MBTPS1: variants seen among roughly 807,000 people sequenced by gnomAD.
MBTPS1 encodes the protein membrane-bound transcription factor site-1 protease.
In MBTPS1, 94 loss-of-function variants were observed where a neutral mutation model predicts 127.8. The ratio of observed to expected loss-of-function variants is 0.74; its 90% CI spans 0.62 to 0.87. MBTPS1 has a LOEUF of 0.87. Among genes scored for constraint, MBTPS1 ranks in the 40% least tolerant of loss-of-function variants. MBTPS1 has a pLI of 0.00. For missense variants in MBTPS1, 1,636 were observed against 1,353.2 expected (o/e 1.21, Z -3.28); for synonymous variants, 632 against 509.4 (o/e 1.24, Z -3.24).
chr16:84,090,733 T>C, intron 8 of MBTPS1, 142 bp downstream of exon 8: 1 of 652,872 alleles, frequency 1.5e-6, no homozygotes, highest in Non-Finnish European at 2.7e-6. Context: ...ATAGTATTTT[T>C]TTACATGAGG....
In MBTPS1 at chr16:84,059,407, G is replaced by A; in HGVS notation, c.2726C>T (p.Ser909Phe). The change falls in exon 21 of 23, where the codon TCC becomes TTC. Residue 909 changes from serine (S) to phenylalanine (F), a missense_variant. Coordinates refer to ENST00000343411, the MANE Select transcript of MBTPS1 (RefSeq NM_003791.4). ...RMEGNHLHRYSKVLEAHLGDP... is the reference protein window; with the variant it reads ...RMEGNHLHRYFKVLEAHLGDP... ...TCCCAAATGGGCCTCCAGAACCTTGGAGTACCGATGAAGATGGTTTCCTGT... is the reference window on the plus strand; with the variant it reads ...TCCCAAATGGGCCTCCAGAACCTTGAAGTACCGATGAAGATGGTTTCCTGT... 6.2e-7 allele frequency: 1 copy of A among 1,613,684 alleles called. No homozygotes were observed. The highest frequency in any genetic ancestry group is 8.5e-7 in the Non-Finnish European group (1 of 1,179,658).
rs2086219820 is a variant in MBTPS1 at position 84,099,158 on chromosome 16, T to A, written c.316A>T (p.Ile106Leu). 6.2e-7 allele frequency: 1 copy of A among 1,614,192 alleles called. No homozygotes were observed. Among genetic ancestry groups the A allele is most frequent in the African/African-American group, 1.3e-5 (1 of 75,042 alleles). Residue 106 changes from isoleucine to leucine, a missense_variant, in exon 3 of 23, where the codon ATA (isoleucine) becomes TTA (leucine). Ile to Leu is a conservative substitution (Grantham distance 5). Transcript: ENST00000343411. ...DYPSDFEVIQIKEKQKAGLLT... is the reference protein window; with the variant it reads ...DYPSDFEVIQLKEKQKAGLLT... ...AGCCCCGCTTTCTGTTTTTCTTTTA[T>A]CTGAATCACCTCAAAATCACTAGGG...
rs1307768490 is a variant in MBTPS1 at position 84,068,528 on chromosome 16, C to T, written c.1956-74G>A. On this transcript the variant is annotated intron_variant, in intron 14 of 22. Transcript: ENST00000343411. Reference sequence around the variant, plus strand: ...ATAAAGGCATATCTGGCCACAGGGCCGGCTCTGCAAGAGCACCATGCCATG... The same window carrying T: ...ATAAAGGCATATCTGGCCACAGGGCTGGCTCTGCAAGAGCACCATGCCATG... The T allele has an allele frequency of 1.7e-5, 19 of 1,093,020 alleles. 1 individual carries two copies. The South Asian group carries it at 2.1e-4, about 12-fold the overall frequency. The allele number at this position is 1,093,020 out of a possible 1,614,324, so 67.7% of individuals were successfully genotyped here.
chr16:84,074,703 T>C lies in MBTPS1; in HGVS notation c.1487A>G (p.Tyr496Cys). The C allele has an allele frequency of 6.2e-7, 1 of 1,614,100 alleles. No homozygotes were observed. The highest frequency in any genetic ancestry group is 1.3e-5 in the African/African-American group (1 of 75,048). ...GGGCTGGGAGCAGTAGGGCCACATG[T>C]AGGGACACTCAGTCAGATCTATGTA... is the stretch of plus-strand genomic sequence containing the variant. ...PSYIDLTECP[Y>C]MWPYCSQPIY... The change falls in exon 12 of 23, where the codon TAC becomes TGC. Residue 496 changes from tyrosine to cysteine, a missense_variant. Transcript: ENST00000343411.
chr16:84,110,916 TG>T (rs2151174888), intron 1 of MBTPS1: 1 of 152,386 alleles, frequency 6.6e-6, no homozygotes, highest in South Asian at 2.1e-4. Flanking sequence ...CAGGAAAAGC[TG>T]GAGACCATCT....
chr16:84,094,536 C>G (rs951528425), intron 4 of MBTPS1, among the ~76,000 whole-genome samples: 1 of 152,134 alleles, frequency 6.6e-6, no homozygotes, highest in Non-Finnish European at 1.5e-5. Context: ...ATACAGAATA[C>G]CTATATGACT....
intron 18 of MBTPS1, 141 bp downstream of exon 18, chr16:84,065,549 A>G: frequency 3.1e-6 from 2 of 648,764 alleles, no homozygotes; most frequent in Admixed American, 2.8e-5. Flanking sequence ...ACACTTTAAA[A>G]GGGCAACTGT....
chr16:84,089,564 G>A (rs756784526), intron 8 of MBTPS1, among the ~76,000 whole-genome samples: 15 of 152,224 alleles, frequency 9.9e-5, no homozygotes, highest in Non-Finnish European at 4.4e-5. Flanking sequence ...TCCATTCAAA[G>A]AGCATCATCA....
chr16:84,080,194 T>C (rs1365059126), intron 11 of MBTPS1, among the ~76,000 whole-genome samples: 2 of 152,024 alleles, frequency 1.3e-5, no homozygotes, highest in South Asian at 2.1e-4. Flanking sequence ...AAAATAAATA[T>C]CTATGTGTCC....
intron 17 of MBTPS1, 102 bp from the exon 18 acceptor site, chr16:84,065,869 A>AT (rs537433736): frequency 3.2e-6 from 2 of 630,656 alleles, no homozygotes; most frequent in South Asian, 2.4e-5. Flanking sequence ...GATGCTATGT[A>AT]TTTTTTTAAT....
chr16:84,091,014 A>T lies in MBTPS1; in HGVS notation c.964-72T>A. On this transcript the variant is annotated intron_variant, in intron 7 of 22. Coordinates refer to ENST00000343411, the MANE Select transcript of MBTPS1 (RefSeq NM_003791.4). ...ATATAACTGTCAAAAAAAAAAAAAA[A>T]ACCATACACAACGTCTAAAAACAGT... 6 of 1,030,504 alleles carry T rather than the reference A, an allele frequency of 5.8e-6. No individual in the cohort carries two copies. The South Asian group carries it at 6.9e-5, about 12-fold the overall frequency. The allele number at this position is 1,030,504 out of a possible 1,614,324, so 63.8% of individuals were successfully genotyped here. A position where few individuals can be genotyped will look rare whatever the true frequency, so the allele number is the denominator to read the frequency against.
chr16:84,095,658 G>T lies in MBTPS1; in HGVS notation c.569C>A (p.Pro190Gln). 1.9e-6 allele frequency: 3 copies of T among 1,614,208 alleles called. No individual in the cohort carries two copies. The highest frequency in any genetic ancestry group is 2.5e-6 in the Non-Finnish European group (3 of 1,180,030). Residue 190 changes from proline (P) to glutamine (Q), a missense_variant, in exon 4 of 23, where the codon CCG (proline) becomes CAG (glutamine). Physicochemically the swap from Pro to Gln is moderately conservative, Grantham distance 76. Coordinates refer to ENST00000343411, the MANE Select transcript of MBTPS1 (RefSeq NM_003791.4). ...CTGCAGTGTCTGGGCAACCTGGCGC[G>T]GGATGGCTCTCAGCAGCCGTCTGCT... Reference protein sequence around the residue: ...HSSRRLLRAIPRQVAQTLQAD... With the variant: ...HSSRRLLRAIQRQVAQTLQAD...
chr16:84,078,075 G>C (rs188835822), intron 11 of MBTPS1, among the ~76,000 whole-genome samples: 42 of 152,314 alleles, frequency 2.8e-4, no homozygotes, highest in African/African-American at 8.9e-4. Context: ...CTGTCAGTGA[G>C]GCTTTGGGGA....
intron 22 of MBTPS1, among the ~76,000 whole-genome samples, chr16:84,055,707 A>G (rs139201611): frequency 1.7e-4 from 26 of 152,360 alleles, no homozygotes; most frequent in African/African-American, 5.3e-4. Context: ...GAACTTTCAT[A>G]AAGAGCGTGC....
intron 20 of MBTPS1, chr16:84,059,642 A>G (rs1334933546): frequency 2.2e-6 from 1 of 457,206 alleles, no homozygotes; most frequent in African/African-American, 2.0e-5. Flanking sequence ...GGTGGGTGAG[A>G]AAATCAGAAC....
At chr16:84,116,117 T>C (rs1207242639) in intron 1 of MBTPS1, among the ~76,000 whole-genome samples, 6 of 152,162 alleles carry the variant, frequency 3.9e-5, no homozygotes, top group African/African-American at 1.4e-4. Context: ...GAAGTGTCAA[T>C]CAGAATCTAA....
intron 3 of MBTPS1, among the ~76,000 whole-genome samples, chr16:84,097,837 CGTGTGTGTGTGTGT>C (rs71382894): frequency 5.6e-5 from 8 of 143,134 alleles, no homozygotes; most frequent in East Asian, 2.1e-4. Flanking sequence ...AACTTCTCTT[CGTGTGTGTGTGTGT>C]GTGTGTGTGT....
chr16:84,098,698 C>A (rs1453149812), intron 3 of MBTPS1, among the ~76,000 whole-genome samples: 4 of 152,166 alleles, frequency 2.6e-5, no homozygotes, highest in Non-Finnish European at 4.4e-5. Flanking sequence ...AAGGACGCGT[C>A]TTTCAGCACG....
chr16:84,084,983 C>T lies in MBTPS1; in HGVS notation c.1286G>A (p.Ser429Asn). The stretch of plus-strand genomic sequence containing the variant: ...CTGGTCTCTAGGGGGCAGCACTCAC[C>T]TCACTAACAAGGTGACAGCACCTGC... ...VVAGAVTLLV[S>N]TVQKRELVNP... Residue 429 changes from serine (S) to asparagine (N), a missense_variant and splice_region_variant, in exon 10 of 23, where the codon AGC becomes AAC. Coordinates refer to ENST00000343411, the MANE Select transcript of MBTPS1 (RefSeq NM_003791.4). The T allele has an allele frequency of 1.9e-6, 3 of 1,613,912 alleles. No homozygotes were observed. The highest frequency in any genetic ancestry group is 2.5e-6 in the Non-Finnish European group (3 of 1,179,946).
Sources: allele counts gnomAD v4.1 joint callset (sites outside exome capture counted in the v4.1 genomes callset), GRCh38; gene constraint gnomAD v4.1.1; transcripts MANE v1.5; gene names NCBI Gene and HGNC (gene_info 2026-07-23, HGNC 2026-07-21).